The following FRMD5 variants were observed in gnomAD, a reference collection of about 807,000 sequenced individuals.
FRMD5 encodes the protein FERM domain containing 5.
A neutral mutation model predicts 69.0 loss-of-function variants in FRMD5; 20 were observed. The observed-to-expected ratio is 0.29, with a 90% CI of 0.20 to 0.42. The LOEUF (loss-of-function observed/expected upper bound fraction) is 0.42. Among genes scored for constraint, FRMD5 ranks in the 10% least tolerant of loss-of-function variants. FRMD5 has a pLI of 1.00. For missense variants in FRMD5, 595 were observed against 708.6 expected (o/e 0.84, Z 1.82); for synonymous variants, 271 against 260.1 (o/e 1.04, Z -0.40).
At chr15:44,199,276 A>G (rs940189399), upstream of FRMD5, among the ~76,000 whole-genome samples, 1 of 152,186 alleles carries the variant, frequency 6.6e-6, no homozygotes, top group African/African-American at 2.4e-5. Context: ...ACTTGGACGT[A>G]TGACATAGCT....
chr15:43,927,591 C>G (rs1044031894), intron 1 of FRMD5, among the ~76,000 whole-genome samples: 2 of 152,194 alleles, frequency 1.3e-5, no homozygotes, highest in East Asian at 3.8e-4. Context: ...TCCACTCTAT[C>G]CCATGCAGCA....
rs1027629953 is a variant in FRMD5 at position 44,195,245 on chromosome 15, C to A, written c.-191G>T. 1.3e-5 allele frequency: 7 copies of A among 538,480 alleles called. No homozygotes were observed. The highest frequency in any genetic ancestry group is 6.1e-5 in the African/African-American group (3 of 49,018). 33.4% of individuals were successfully genotyped at this position (538,480 alleles called of 1,614,324 possible). On this transcript the variant is annotated 5_prime_UTR_variant, in exon 1 of 14. Transcript: ENST00000417257. ...CTTCCCTCAGCCGCCACCGCCTCCC[C>A]CCAGCCCAGATCAAGCGCCGGGCTC...
intron 1 of FRMD5, among the ~76,000 whole-genome samples, chr15:44,051,352 A>G (rs1320105904): frequency 6.8e-6 from 1 of 147,754 alleles, no homozygotes; most frequent in Middle Eastern, 3.2e-3. Flanking sequence ...GGGTTTTACC[A>G]GGAGTTGAAG....
intron 1 of FRMD5, among the ~76,000 whole-genome samples, chr15:44,138,115 A>C (rs539647907): frequency 6.6e-6 from 1 of 152,338 alleles, no homozygotes; most frequent in South Asian, 2.1e-4. Flanking sequence ...AACAACTGTC[A>C]TTCGAGTTAA....
intron 1 of FRMD5, among the ~76,000 whole-genome samples, chr15:44,021,980 T>C (rs1891227402): frequency 6.6e-6 from 1 of 152,120 alleles, no homozygotes; most frequent in Admixed American, 6.5e-5. Context: ...TTCTGGTACA[T>C]GCTACAAGAT....
intron 1 of FRMD5, among the ~76,000 whole-genome samples, chr15:43,975,850 A>C (rs553182707): frequency 1.3e-5 from 2 of 152,322 alleles, no homozygotes; most frequent in South Asian, 2.1e-4. Flanking sequence ...TTGGAGGACT[A>C]ATATGATCTA....
intron 1 of FRMD5, among the ~76,000 whole-genome samples, chr15:43,938,260 T>C (rs916462754): frequency 2.7e-5 from 4 of 145,714 alleles, no homozygotes; most frequent in African/African-American, 7.7e-5. Flanking sequence ...AAGCCTACCA[T>C]GTGCAAAGCA....
chr15:44,116,453 A>G (rs960171705), intron 1 of FRMD5, among the ~76,000 whole-genome samples: 2 of 152,154 alleles, frequency 1.3e-5, no homozygotes, highest in Non-Finnish European at 2.9e-5. Context: ...AACAACTGGC[A>G]GAGCCTGTGT....
chr15:44,156,335 G>T (rs1032499314), intron 1 of FRMD5, among the ~76,000 whole-genome samples: 2 of 151,774 alleles, frequency 1.3e-5, no homozygotes, highest in Non-Finnish European at 2.9e-5. Flanking sequence ...GTAGAGACGG[G>T]GTTTCACCAT....
intron 13 of FRMD5, among the ~76,000 whole-genome samples, chr15:43,882,310 T>C (rs1304545855): frequency 6.6e-6 from 1 of 152,186 alleles, no homozygotes; most frequent in Non-Finnish European, 1.5e-5. Context: ...ATGGGTCGTA[T>C]TGAATTTCCT....
chr15:44,119,981 A>G (rs1157957296), intron 1 of FRMD5, among the ~76,000 whole-genome samples: 3 of 152,194 alleles, frequency 2.0e-5, no homozygotes, highest in Non-Finnish European at 4.4e-5. Flanking sequence ...AGGGAACAGA[A>G]TGTGCAAAAG....
intron 1 of FRMD5, among the ~76,000 whole-genome samples, chr15:44,045,925 G>C (rs1171139662): frequency 1.3e-5 from 2 of 152,152 alleles, no homozygotes; most frequent in African/African-American, 4.8e-5. Context: ...TTGTCACTCT[G>C]TCACAGATAG....
chr15:44,087,484 A>T (rs1894247363), intron 1 of FRMD5, among the ~76,000 whole-genome samples: 1 of 152,164 alleles, frequency 6.6e-6, no homozygotes, highest in Non-Finnish European at 1.5e-5. Flanking sequence ...ATTACGGCAC[A>T]TTCTAGTGCA....
rs376353545 is a variant in FRMD5, at chr15:44,168,000, ATAAGT to A, written c.102+26948_102+26952del. 2.1e-3 allele frequency among the ~76,000 whole-genome samples: 326 copies of A among 152,382 alleles called. 3 individuals carry two copies. The highest frequency in any genetic ancestry group is 6.0e-3 in the Admixed American group (92 of 15,306). ...TGTTCTAAGATACACTGATACTAAT[ATAAGT>A]TAACACTACAAATGATCTTCAAATT... On this transcript the variant is annotated intron_variant, in intron 1 of 13. Coordinates refer to ENST00000417257, the MANE Select transcript of FRMD5 (RefSeq NM_032892.5).
At position 43,909,869 on chromosome 15, in the gene FRMD5, C is replaced by G. The variant is rs2089254350; in HGVS notation, c.427+13G>C. 6.4e-7 allele frequency: 1 copy of G among 1,564,178 alleles called. No individual in the cohort carries two copies. The highest frequency in any genetic ancestry group is 8.8e-7 in the Non-Finnish European group (1 of 1,136,856). On this transcript the variant is annotated intron_variant, in intron 5 of 13. Coordinates refer to ENST00000417257, the MANE Select transcript of FRMD5 (RefSeq NM_032892.5). Reference sequence around the variant, plus strand: ...GGCATGAAAAGCAAACTTATCCTGTCAAAAGTCATTACCTTGAAGGATGTA... The same window carrying G: ...GGCATGAAAAGCAAACTTATCCTGTGAAAAGTCATTACCTTGAAGGATGTA...
intron 7 of FRMD5, among the ~76,000 whole-genome samples, chr15:43,892,723 C>A (rs891890658): frequency 9.9e-5 from 15 of 152,156 alleles, no homozygotes; most frequent in Admixed American, 5.2e-4. Context: ...AACATTATGC[C>A]AAGTGAAAGA....
intron 1 of FRMD5, among the ~76,000 whole-genome samples, chr15:44,155,993 A>C (rs1424446896): frequency 6.6e-6 from 1 of 152,196 alleles, no homozygotes. Flanking sequence ...GGAAAAAAAG[A>C]GCTGATAGTC....
intron 1 of FRMD5, among the ~76,000 whole-genome samples, chr15:44,178,308 G>C (rs1258260345): frequency 5.3e-5 from 8 of 151,926 alleles, no homozygotes; most frequent in Non-Finnish European, 1.0e-4. Context: ...CTGGGTTACA[G>C]GGTGATACTC....
intron 2 of FRMD5, 106 bp downstream of exon 2, chr15:43,924,099 T>C: frequency 1.2e-6 from 1 of 860,568 alleles, no homozygotes; most frequent in Admixed American, 1.8e-5. Context: ...CAGGGTCTGG[T>C]TGGTCCCTGA....
Sources: allele counts gnomAD v4.1 joint callset (sites outside exome capture counted in the v4.1 genomes callset), GRCh38; gene constraint gnomAD v4.1.1; transcripts MANE v1.5; gene names NCBI Gene and HGNC (gene_info 2026-07-23, HGNC 2026-07-21).